Variants in ARFGAP2 observed in about 807,000 individuals in gnomAD.
ARFGAP2 encodes ADP-ribosylation factor GTPase-activating protein 2.
ARFGAP2 carries 45 observed loss-of-function variants against 71.9 expected under a neutral mutation model. That is an observed-to-expected ratio of 0.63 (90% CI 0.49 to 0.80). ARFGAP2 has a LOEUF of 0.80. ARFGAP2 is among the 30% of genes least tolerant of loss of function. The pLI, the probability that ARFGAP2 is intolerant of heterozygous loss-of-function variation, is 0.00. For missense variants in ARFGAP2, 633 were observed against 673.9 expected (o/e 0.94, Z 0.67); for synonymous variants, 248 against 249.2 (o/e 1.00, Z 0.05).
chr11:47,173,869 TCGGTGAGCCA>T lies in ARFGAP2; in HGVS notation c.481-39_481-30del, dbSNP rs769468578. 3.8e-6 allele frequency: 6 copies of T among 1,573,776 alleles called. No homozygotes were observed. In the East Asian group the frequency reaches 1.4e-4, roughly 37 times the overall value. The stretch of plus-strand genomic sequence containing the variant: ...AAAAGGAGGCCAGATCACAGATGCC[TCGGTGAGCCA>T]CTCCTGCTGGCAAGAAGCACCAAGA... On this transcript the variant is annotated intron_variant, in intron 5 of 15. Transcript: ENST00000524782.
chr11:47,166,964 AC>A, intron 12 of ARFGAP2, 78 bp from the exon 13 acceptor site: 1 of 1,524,830 alleles, frequency 6.6e-7, no homozygotes, highest in Non-Finnish European at 8.9e-7. Context: ...CAAACAGAGC[AC>A]CAGTGGCCTT....
At position 47,176,496 on chromosome 11, in the gene ARFGAP2, C is replaced by A. The variant is rs764690726; in HGVS notation, c.191+20G>T. The A allele has an allele frequency of 5.2e-5, 83 of 1,610,346 alleles. No individual in the cohort carries two copies. Among genetic ancestry groups the A allele is most frequent in the Non-Finnish European group, 6.8e-5 (80 of 1,178,122 alleles). ...CCTGGCCGGCCGGGTGGAAACACGGCAACCGCGCGGAGAGCCTACCTGATG... is the reference window on the plus strand; with the variant it reads ...CCTGGCCGGCCGGGTGGAAACACGGAAACCGCGCGGAGAGCCTACCTGATG... On this transcript the variant is annotated intron_variant, in intron 2 of 15. Transcript: ENST00000524782.
chr11:47,172,879 C>CT, intron 7 of ARFGAP2: 1 of 871,006 alleles, frequency 1.1e-6, no homozygotes, highest in South Asian at 1.5e-5. Flanking sequence ...ATGGATCAGT[C>CT]TGACAGTCAC....
chr11:47,174,072 CTAACT>C (rs1251915251), intron 5 of ARFGAP2: 1 of 714,076 alleles, frequency 1.4e-6, no homozygotes, highest in African/African-American at 1.8e-5. Flanking sequence ...GCCCATTCTC[CTAACT>C]TAAAGACAGT....
At chr11:47,172,987 GA>G in intron 7 of ARFGAP2, 1 of 354,094 alleles carries the variant, frequency 2.8e-6, no homozygotes. Flanking sequence ...AGACACTAAG[GA>G]AAATGTAGGA....
intron 3 of ARFGAP2, 199 bp from the exon 4 acceptor site, chr11:47,175,512 T>A: frequency 3.7e-6 from 3 of 807,966 alleles, no homozygotes; most frequent in Non-Finnish European, 6.0e-6. Context: ...TCCTCTGATA[T>A]GACTGAAGTC....
intron 6 of ARFGAP2, 95 bp from the exon 7 acceptor site, chr11:47,173,577 C>G: frequency 2.1e-6 from 3 of 1,434,432 alleles, no homozygotes; most frequent in Non-Finnish European, 2.8e-6. Context: ...TGGCTTTCCT[C>G]AGCTTGCCAC....
chr11:47,173,799 G>A lies in ARFGAP2; in HGVS notation c.522C>T (p.Thr174=), dbSNP rs187151652. ...WDAPATEPSG[T]QQPAPSTESS... is the part of the protein sequence containing the mutation. ...TCTCTGTAGACGGGGCTGGCTGCTG[G>A]GTCCCTGAAGGCTCAGTGGCTGGCG... The change falls in exon 6 of 16, where the codon ACC becomes ACT. Residue 174 remains threonine, a synonymous_variant. Coordinates refer to ENST00000524782, the MANE Select transcript of ARFGAP2 (RefSeq NM_032389.6). The A allele has an allele frequency of 1.6e-5, 26 of 1,605,950 alleles. No individual in the cohort carries two copies. The highest frequency in any genetic ancestry group is 2.0e-5 in the Non-Finnish European group (23 of 1,176,458).
At chr11:47,166,426 A>C (rs760149033) in intron 14 of ARFGAP2, 40 bp from the exon 15 acceptor site, 11 of 1,611,644 alleles carry the variant, frequency 6.8e-6, no homozygotes, top group Non-Finnish European at 9.3e-6. Context: ...CCCAGCAAGA[A>C]GCCCTTCCCA....
Position 47,173,785 on chromosome 11 carries a change from G to A in ARFGAP2, c.536C>T (p.Pro179Leu), listed in dbSNP as rs751445152. 4.4e-6 allele frequency: 7 copies of A among 1,604,886 alleles called. No individual in the cohort carries two copies. The highest frequency in any genetic ancestry group is 2.7e-5 in the African/African-American group (2 of 74,724). Reference protein sequence around the residue: ...TEPSGTQQPAPSTESSGLAQP... With the variant: ...TEPSGTQQPALSTESSGLAQP... ...TGCCAGGCCACTGCTCTCTGTAGAC[G>A]GGGCTGGCTGCTGGGTCCCTGAAGG... Residue 179 changes from proline to leucine, a missense_variant, in exon 6 of 16, where the codon CCG becomes CTG. By Grantham distance (98) the Pro-to-Leu change is moderately conservative. Transcript: ENST00000524782.
rs777589535 is a variant in ARFGAP2 at position 47,165,511 on chromosome 11, G to C, written c.1546-9C>G. The C allele has an allele frequency of 6.5e-7, 1 of 1,534,838 alleles. No individual in the cohort carries two copies. Among genetic ancestry groups the C allele is most frequent in the Middle Eastern group, 1.7e-4 (1 of 5,716 alleles). ...TAGGAACCGTAGCGATCCTGGGGGC[G>C]AGGGGGGAGAAAAAAAAAAAAAAAG... On this transcript the variant is annotated splice_polypyrimidine_tract_variant and intron_variant, in intron 15 of 15. Coordinates refer to ENST00000524782, the MANE Select transcript of ARFGAP2 (RefSeq NM_032389.6).
rs757934369 is a variant in ARFGAP2 at position 47,176,809 on chromosome 11, C to A, written c.45G>T (p.Lys15Asn). The A allele has an allele frequency of 1.1e-5, 18 of 1,613,998 alleles. No homozygotes were observed. The highest frequency in any genetic ancestry group is 1.5e-5 in the Non-Finnish European group (18 of 1,180,022). ...PNKTEIQTLF[K>N]RLRAVPTNKA... ...TGTTGGTTGGAACTGCGCGAAGCCT[C>A]TTAAAAAGAGTCTGGATTTCGGTCT... Residue 15 changes from lysine to asparagine, a missense_variant, in exon 1 of 16, where the codon AAG becomes AAT. By Grantham distance (94) the Lys-to-Asn change is moderately conservative. Coordinates refer to ENST00000524782, the MANE Select transcript of ARFGAP2 (RefSeq NM_032389.6).
chr11:47,165,575 A>C, intron 15 of ARFGAP2, 73 bp from the exon 16 acceptor site: 1 of 1,458,240 alleles, frequency 6.9e-7, no homozygotes, highest in Non-Finnish European at 9.2e-7. Flanking sequence ...CAGCAAACAC[A>C]CTGCCTGCCC....
In ARFGAP2 at chr11:47,166,488, AC is replaced by A; in HGVS notation, c.1426+17del. On this transcript the variant is annotated intron_variant, in intron 14 of 15. Transcript: ENST00000524782. ...TCCCAGGCCTCACTTGGTGCCTGCC[AC>A]CCCACCAGGGCCCTACCTGCTCCGT... The A allele has an allele frequency of 6.2e-7, 1 of 1,612,610 alleles. No individual in the cohort carries two copies. The highest frequency in any genetic ancestry group is 1.1e-5 in the South Asian group (1 of 91,004).
At chr11:47,167,183 A>G (rs1952418764) in intron 12 of ARFGAP2, among the ~76,000 whole-genome samples, 1 of 152,160 alleles carries the variant, frequency 6.6e-6, no homozygotes, top group Non-Finnish European at 1.5e-5. Context: ...AGGCCACACA[A>G]CTGCTGCTAC....
intron 2 of ARFGAP2, 152 bp downstream of exon 2, chr11:47,176,364 G>T: frequency 1.4e-6 from 1 of 731,138 alleles, no homozygotes; most frequent in Non-Finnish European, 2.3e-6. Flanking sequence ...CCACACAGGT[G>T]GTTCCCTCTG....
chr11:47,171,510 T>A lies in ARFGAP2; in HGVS notation c.857A>T (p.Lys286Met), dbSNP rs141420803. Residue 286 changes from lysine (K) to methionine (M), a missense_variant, in exon 10 of 16, where the codon AAG becomes ATG. By Grantham distance (95) the Lys-to-Met change is moderately conservative (BLOSUM62 -1). Transcript: ENST00000524782. The part of the protein sequence containing the change: ...LAYQELQIDR[K>M]KEEKKLQNLE... ...ATTCTGTAGCTTCTTTTCCTCTTTC[T>A]TACGATCAATCTGGAGCTCCTGGTA... 162 of 1,614,208 alleles carry A rather than the reference T, an allele frequency of 1.0e-4. No homozygotes were observed. The African/African-American group carries it at 1.9e-3, about 19-fold the overall frequency.
chr11:47,174,062 GC>G, intron 5 of ARFGAP2: 1 of 776,908 alleles, frequency 1.3e-6, no homozygotes, highest in Non-Finnish European at 2.0e-6. Flanking sequence ...TAGAGCCAGA[GC>G]CCATTCTCCT....
chr11:47,172,875 CA>C, intron 7 of ARFGAP2: 2 of 887,900 alleles, frequency 2.3e-6, no homozygotes, highest in South Asian at 2.9e-5. Flanking sequence ...TCTCATGGAT[CA>C]GTCTGACAGT....
Sources: allele counts gnomAD v4.1 joint callset (sites outside exome capture counted in the v4.1 genomes callset), GRCh38; gene constraint gnomAD v4.1.1; transcripts MANE v1.5; gene names NCBI Gene and HGNC (gene_info 2026-07-23, HGNC 2026-07-21).